Variants in ATP9B observed in about 807,000 individuals in gnomAD.
The protein encoded by ATP9B is ATPase phospholipid transporting 9B.
In ATP9B, 110 loss-of-function variants were observed where a neutral mutation model predicts 146.1. The ratio of observed to expected loss-of-function variants is 0.75; its 90% CI spans 0.65 to 0.88. The LOEUF is 0.88. Among genes scored for constraint, ATP9B ranks in the 40% least tolerant of loss-of-function variants. The pLI, the probability that ATP9B is intolerant of heterozygous loss-of-function variation, is 0.00. For synonymous variants in ATP9B, 604 were observed against 569.7 expected, an observed-to-expected ratio of 1.06 and a Z score of -0.86; for missense variants, 1,499 against 1,496.4, an observed-to-expected ratio of 1.00 and a Z score of -0.03.
intron 13 of ATP9B, chr18:79,299,926 G>A (rs2096578793): frequency 1.3e-5 from 2 of 152,270 alleles, no homozygotes; most frequent in Non-Finnish European, 2.9e-5. Context: ...GCTGTGCCAC[G>A]AGGAGCAGCC....
chr18:79,350,197 G>A (rs1297809022), intron 25 of ATP9B, among the ~76,000 whole-genome samples: 16 of 152,186 alleles, frequency 1.1e-4, no homozygotes, highest in African/African-American at 3.4e-4. Context: ...TGTTAGCACC[G>A]TTCCTCCCAA....
At chr18:79,185,057 A>C (rs2095293231) in intron 8 of ATP9B, among the ~76,000 whole-genome samples, 1 of 152,004 alleles carries the variant, frequency 6.6e-6, no homozygotes, top group South Asian at 2.1e-4. Flanking sequence ...ATTCTGTACA[A>C]GCGATCAGCA....
chr18:79,137,955 T>C (rs1475657399), intron 5 of ATP9B, among the ~76,000 whole-genome samples: 1 of 152,200 alleles, frequency 6.6e-6, no homozygotes, highest in Admixed American at 6.5e-5. Context: ...GGAACTGGAA[T>C]GTAGTAGGTG....
chr18:79,128,099 G>C (rs1427205566), intron 5 of ATP9B, among the ~76,000 whole-genome samples: 1 of 120,648 alleles, frequency 8.3e-6, no homozygotes, highest in Admixed American at 1.1e-4. Flanking sequence ...TTGTTCTGTC[G>C]CCCAGGCTGG....
intron 20 of ATP9B, among the ~76,000 whole-genome samples, chr18:79,342,647 C>A (rs1441390093): frequency 6.6e-6 from 1 of 151,810 alleles, no homozygotes; most frequent in African/African-American, 2.4e-5. Flanking sequence ...ATATTTTTAG[C>A]CACATACATT....
Position 79,206,629 on chromosome 18 carries a change from TAAATA to T in ATP9B, c.955-305_955-301del, listed in dbSNP as rs1389852012. 5.1e-5 allele frequency among the ~76,000 whole-genome samples: 3 copies of T among 59,242 alleles called. No homozygotes were observed. The East Asian group carries it at 1.2e-3, about 23-fold the overall frequency. 38.9% of individuals were successfully genotyped at this position (59,242 alleles called of 152,430 possible). A position where few individuals can be genotyped will look rare whatever the true frequency, so the allele number is the denominator to read the frequency against. On this transcript the variant is annotated intron_variant, in intron 9 of 29. Transcript: ENST00000426216. ...GGGCAGCATAATAACACCTCATAAA[TAAATA>T]AATAAATAAATAAATAAATAAATAA...
chr18:79,367,315 G>A (rs113511660), intron 26 of ATP9B, among the ~76,000 whole-genome samples: 11 of 92,150 alleles, frequency 1.2e-4, no homozygotes, highest in East Asian at 5.7e-4. Context: ...CACCTCCACC[G>A]TGTGTACGCA....
chr18:79,161,041 G>A (rs558132456), intron 7 of ATP9B, among the ~76,000 whole-genome samples: 26 of 147,912 alleles, frequency 1.8e-4, no homozygotes, highest in African/African-American at 6.3e-4. Context: ...AAGTGCTGGG[G>A]TTATAGGTGT....
At chr18:79,344,022 G>A (rs755409289) in intron 20 of ATP9B, 69 of 560,954 alleles carry the variant, frequency 1.2e-4, no homozygotes, top group Non-Finnish European at 2.1e-4. Context: ...CTCACTATAC[G>A]TTTCCTGCTT....
chr18:79,150,760 C>T (rs4399600), intron 6 of ATP9B, among the ~76,000 whole-genome samples: 75,076 of 151,818 alleles, frequency 0.49, 20,869 homozygotes, highest in African/African-American at 0.76. Flanking sequence ...GAGGCCAAGG[C>T]GAGAGGATCA....
At position 79,117,023 on chromosome 18, in the gene ATP9B, A is replaced by T. The variant is rs1161142721; in HGVS notation, c.558+3669A>T. Among the ~76,000 whole-genome samples, 4 of 148,240 alleles carry T rather than the reference A, an allele frequency of 2.7e-5. No individual in the cohort carries two copies. In the East Asian group the frequency reaches 7.7e-4, roughly 29 times the overall value. On this transcript the variant is annotated intron_variant, in intron 4 of 29. Coordinates refer to ENST00000426216, the MANE Select transcript of ATP9B (RefSeq NM_198531.5). Reference sequence around the variant, plus strand: ...AAATATTTTAAAAAGTCGAATGTCTAACAATAGATTATTCAAACTGCCATA... The same window carrying T: ...AAATATTTTAAAAAGTCGAATGTCTTACAATAGATTATTCAAACTGCCATA...
At chr18:79,327,341 G>A (rs573262442) in intron 15 of ATP9B, among the ~76,000 whole-genome samples, 56 of 152,326 alleles carry the variant, frequency 3.7e-4, no homozygotes, top group African/African-American at 1.0e-3. Context: ...TGTGGGTGGC[G>A]GCAGGCCTGC....
At chr18:79,291,719 T>C (rs891172459) in intron 13 of ATP9B, among the ~76,000 whole-genome samples, 4 of 152,242 alleles carry the variant, frequency 2.6e-5, no homozygotes, top group African/African-American at 9.6e-5. Context: ...GAATGTCAGT[T>C]TTAAGCTACT....
At chr18:79,164,957 T>C (rs72994266) in intron 7 of ATP9B, among the ~76,000 whole-genome samples, 10,254 of 152,190 alleles carry the variant, frequency 0.067, 416 homozygotes, top group Non-Finnish European at 0.095. Context: ...ATTTTAGTTG[T>C]AGAATGTTCT....
chr18:79,156,147 C>T (rs1250038353), intron 7 of ATP9B, among the ~76,000 whole-genome samples: 3 of 152,150 alleles, frequency 2.0e-5, no homozygotes, highest in African/African-American at 7.2e-5. Context: ...ATCAGCTCTA[C>T]CCAATAATCA....
At chr18:79,266,791 C>CA (rs1261438882) in intron 12 of ATP9B, among the ~76,000 whole-genome samples, 1 of 151,926 alleles carries the variant, frequency 6.6e-6, no homozygotes, top group African/African-American at 2.4e-5. Context: ...TTTCTGGGGG[C>CA]AAAACCCCAA....
At chr18:79,301,341 A>G (rs1043153371) in intron 13 of ATP9B, among the ~76,000 whole-genome samples, 1 of 152,164 alleles carries the variant, frequency 6.6e-6, no homozygotes, top group Non-Finnish European at 1.5e-5. Flanking sequence ...AAAATACAAA[A>G]ATTAGTTGGG....
chr18:79,163,503 G>C (rs2094914665), intron 7 of ATP9B, among the ~76,000 whole-genome samples: 1 of 152,090 alleles, frequency 6.6e-6, no homozygotes, highest in African/African-American at 2.4e-5. Context: ...GTGTCAGATA[G>C]AGTCTAGAAT....
At chr18:79,202,158 G>A (rs2095495111) in intron 9 of ATP9B, among the ~76,000 whole-genome samples, 1 of 152,228 alleles carries the variant, frequency 6.6e-6, no homozygotes, top group Non-Finnish European at 1.5e-5. Context: ...TAATGGAGAT[G>A]TGGCGCTGTG....
Sources: allele counts gnomAD v4.1 joint callset (sites outside exome capture counted in the v4.1 genomes callset), GRCh38; gene constraint gnomAD v4.1.1; transcripts MANE v1.5; gene names NCBI Gene and HGNC (gene_info 2026-07-23, HGNC 2026-07-21).